HELZ2: variants seen among roughly 807,000 people sequenced by gnomAD.
HELZ2 encodes helicase with zinc finger 2.
A neutral mutation model predicts 208.8 loss-of-function variants in HELZ2; 143 were observed. The observed-to-expected ratio is 0.68, with a 90% confidence interval of 0.60 to 0.79. The LOEUF (loss-of-function observed/expected upper bound fraction) is 0.79. HELZ2 is among the 30% of genes least tolerant of loss of function. The probability of loss-of-function intolerance (pLI) is 0.00; values close to 1 mark genes in which losing one functional copy is unlikely to be tolerated. For synonymous variants in HELZ2, 1,705 were observed against 1,693.7 expected (o/e 1.01, Z -0.16); for missense variants, 3,690 against 3,794.5 (o/e 0.97, Z 0.72).
At chr20:63,573,354 C>G (rs911805651), upstream of HELZ2, 1 of 152,304 alleles carries the variant, frequency 6.6e-6, no homozygotes, top group Admixed American at 6.5e-5. The surrounding 1 kb of genome is among the most constrained non-coding windows in gnomAD (Gnocchi z 4.9). Flanking sequence ...GGCCTCTCCA[C>G]CAAGCAAGGA....
exon 19 of HELZ2, chr20:63,559,243 T>C: frequency 6.5e-7 from 1 of 1,546,708 alleles, no homozygotes; most frequent in Non-Finnish European, 8.8e-7. Context: ...TGGAGAGGGC[T>C]CTTCAGGAAG....
At chr20:63,565,680 C>T in exon 8 of HELZ2, 2 of 1,609,188 alleles carry the variant, frequency 1.2e-6, no homozygotes, top group Non-Finnish European at 1.7e-6. Flanking sequence ...GACTCCACGC[C>T]CGCTGCAGCA....
chr20:63,564,796 G>A (rs2082931626), exon 8 of HELZ2: 3 of 1,610,708 alleles, frequency 1.9e-6, no homozygotes, highest in Non-Finnish European at 2.5e-6. Flanking sequence ...CCACAGTGAA[G>A]GTCAAGAAGG....
chr20:63,567,707 C>T (rs1317741866), intron 5 of HELZ2, 80 bp from the exon 7 acceptor site: 2 of 1,502,534 alleles, frequency 1.3e-6, no homozygotes, highest in East Asian at 2.4e-5. Context: ...GTGTGCCCAG[C>T]CGAGCTGCCC....
Position 63,560,638 on chromosome 20 carries a change from C to CCA in HELZ2, c.7339_7340dup (p.Trp2447CysfsTer5). The CCA allele has an allele frequency of 6.2e-7, 1 of 1,610,468 alleles. No individual in the cohort carries two copies. The highest frequency in any genetic ancestry group is 8.5e-7 in the Non-Finnish European group (1 of 1,179,986). On this transcript the variant is annotated frameshift_variant, in exon 16 of 19. Coordinates refer to ENST00000467148, the Ensembl canonical transcript of HELZ2. LOFTEE classifies it high-confidence loss of function. The stretch of plus-strand genomic sequence containing the variant: ...CACTGGGCGGCCTCCTCAGGCCCTG[C>CCA]CACGTCTTCAGCTTGCTCTTGTAGA...
In HELZ2 at chr20:63,567,651, G is replaced by A. The variant is rs566716566; in HGVS notation, c.1731-24C>T. Reference sequence around the variant, plus strand: ...CACTGCGGGAGGGGGAGGAGCTCATGGGCTTCTTGCTGGGGGCCTCAGTGC... The same window carrying A: ...CACTGCGGGAGGGGGAGGAGCTCATAGGCTTCTTGCTGGGGGCCTCAGTGC... On this transcript the variant is annotated intron_variant, in intron 5 of 18. Coordinates refer to ENST00000467148, the Ensembl canonical transcript of HELZ2. 3.1e-6 allele frequency: 5 copies of A among 1,589,318 alleles called. No homozygotes were observed. In the East Asian group the frequency reaches 1.1e-4, roughly 36 times the overall value.
Position 63,563,849 on chromosome 20 carries a change from C to T in HELZ2, c.4973G>A (p.Gly1658Asp), listed in dbSNP as rs752096052. ...GTCCACCTGCAGCGAGTAGTGGCCG[C>T]CCTGCTGCTGGTGGCCCCGGGCGCA... Residue 1658 changes from glycine to aspartate, a missense_variant, in exon 8 of 19, where the codon GGC becomes GAC. Gly to Asp is a moderately conservative substitution (Grantham distance 94). Transcript: ENST00000467148. 1.4e-5 allele frequency: 22 copies of T among 1,595,928 alleles called. 1 individual carries two copies. Among genetic ancestry groups the T allele is most frequent in the South Asian group, 7.8e-5 (7 of 89,716 alleles).
exon 8 of HELZ2, chr20:63,564,140 T>G: frequency 1.2e-6 from 2 of 1,611,892 alleles, no homozygotes; most frequent in Non-Finnish European, 8.5e-7. Context: ...CTTGAGCTGC[T>G]GGCTGCGGGG....
chr20:63,564,053 C>A, exon 8 of HELZ2: 1 of 1,604,608 alleles, frequency 6.2e-7, no homozygotes, highest in Non-Finnish European at 8.5e-7. Context: ...GTCGGGGGGA[C>A]TGCCCCCGCC....
At chr20:63,561,035 G>A (rs961887686) in intron 14 of HELZ2, 47 bp downstream of exon 15, 3 of 1,597,424 alleles carry the variant, frequency 1.9e-6, no homozygotes, top group Admixed American at 3.4e-5. Flanking sequence ...GTGGGAGACT[G>A]TGCCAGGGAC....
In HELZ2 at chr20:63,569,631, T is replaced by TC. The variant is rs1569037659; in HGVS notation, c.604dup (p.Glu202GlyfsTer23). On this transcript the variant is annotated frameshift_variant, in exon 4 of 19. Transcript: ENST00000467148. LOFTEE classifies it high-confidence loss of function. ...CACCAGAGAGAAGTCGGCTCCTGGC[T>TC]CCTGCTTCAGCAGGGCCACGTGTAG... The TC allele has an allele frequency of 6.5e-7, 1 of 1,545,724 alleles. No homozygotes were observed. Among genetic ancestry groups the TC allele is most frequent in the Non-Finnish European group, 8.7e-7 (1 of 1,144,456 alleles).
At chr20:63,562,857 G>T in exon 8 of HELZ2, 1 of 1,608,088 alleles carries the variant, frequency 6.2e-7, no homozygotes, top group Non-Finnish European at 8.5e-7. Flanking sequence ...GCGGCCTCCA[G>T]GCGGAAGGCG....
At chr20:63,573,688 C>T (rs1339261722), upstream of HELZ2, among the ~76,000 whole-genome samples, 1 of 152,158 alleles carries the variant, frequency 6.6e-6, no homozygotes, top group Non-Finnish European at 1.5e-5. This position sits in a 1 kb window ranked among gnomAD's most constrained non-coding sequence, Gnocchi z 4.9. Context: ...GAAAAGAGGA[C>T]TCCACATCTG....
intron 7 of HELZ2, 47 bp downstream of exon 8, chr20:63,566,331 G>T: frequency 6.5e-7 from 1 of 1,531,978 alleles, no homozygotes; most frequent in Non-Finnish European, 8.8e-7. Context: ...GAGCCACCCG[G>T]GGTATCCTGG....
exon 8 of HELZ2, chr20:63,564,499 C>A (rs1172161535): frequency 6.3e-7 from 1 of 1,587,952 alleles, no homozygotes; most frequent in Admixed American, 1.8e-5. Context: ...AGCGCAGGCT[C>A]TTCAGCTGGC....
rs199628657 is a variant in HELZ2 at position 63,566,986 on chromosome 20, C to G, written c.2372G>C (p.Arg791Pro). 9 of 1,611,620 alleles carry G rather than the reference C, an allele frequency of 5.6e-6. No individual in the cohort carries two copies. In the Admixed American group the frequency reaches 1.0e-4, roughly 18 times the overall value. ...CAGCCAGGACGCCATGGACATGTCC[C>G]GGTCTGGGCTGCCCGCCACGTGGCA... Residue 791 changes from arginine to proline, a missense_variant, in exon 6 of 19, where the codon CGG (arginine) becomes CCG (proline). This residue lies in a region of HELZ2 where 1,119 missense variants were observed against 1,193.4 expected (regional missense o/e 0.94). Coordinates refer to ENST00000467148, the Ensembl canonical transcript of HELZ2.
Position 63,563,567 on chromosome 20 carries a change from C to T in HELZ2, c.5255G>A (p.Arg1752His), listed in dbSNP as rs1009432973. 3.9e-6 allele frequency: 6 copies of T among 1,522,624 alleles called. No individual in the cohort carries two copies. The highest frequency in any genetic ancestry group is 2.7e-5 in the African/African-American group (2 of 72,924). The allele number at this position is 1,522,624 out of a possible 1,614,324, so 94.3% of individuals were successfully genotyped here. ...GCTGGGGAAGAGCAGCCGGAAGCAGCGGGAGCCCGCCTCCACGTCCACCAC... is the reference window on the plus strand; with the variant it reads ...GCTGGGGAAGAGCAGCCGGAAGCAGTGGGAGCCCGCCTCCACGTCCACCAC... The change falls in exon 8 of 19, where the codon CGC becomes CAC. Residue 1752 changes from arginine to histidine, a missense_variant. This residue lies in a region of HELZ2 where 2,564 missense variants were observed against 2,580.5 expected (regional missense o/e 0.99). Transcript: ENST00000467148.
At chr20:63,566,068 G>A in exon 8 of HELZ2, 1 of 1,588,292 alleles carries the variant, frequency 6.3e-7, no homozygotes, top group South Asian at 1.1e-5. Flanking sequence ...CGAAGGAGCA[G>A]AGGGCCACGG....
rs61745755 is a variant in HELZ2 at position 63,569,518 on chromosome 20, G to A, written c.718C>T (p.Arg240Cys). ...GTGCCGAACGAGGCAGCCTGCACAC[G>A]CACTCCCACCTGGAAGTCGGCAGTG... The change falls in exon 4 of 19, where the codon CGT becomes TGT. Residue 240 changes from arginine to cysteine, a missense_variant. Arg to Cys is a radical substitution (Grantham distance 180). Around this residue, in one of 3 missense-constraint regions of HELZ2, gnomAD observed 1,119 missense variants for 1,193.4 expected, o/e 0.94. Transcript: ENST00000467148. 2.6e-4 allele frequency: 420 copies of A among 1,609,892 alleles called. 2 individuals carry two copies. The African/African-American group carries it at 4.9e-3, about 19-fold the overall frequency.
Sources: allele counts gnomAD v4.1 joint callset (sites outside exome capture counted in the v4.1 genomes callset), GRCh38; gene constraint gnomAD v4.1.1; regional missense constraint gnomAD v4.1.1; non-coding constraint Gnocchi (gnomAD v3.1); transcripts MANE v1.5; gene names NCBI Gene and HGNC (gene_info 2026-07-23, HGNC 2026-07-21).